LRRC4C: variants seen among roughly 807,000 people sequenced by gnomAD.
LRRC4C encodes the protein leucine rich repeat containing 4C.
LRRC4C carries 5 observed loss-of-function variants against 33.6 expected under a neutral mutation model. That is an observed-to-expected ratio of 0.15 (90% confidence interval 0.08 to 0.31). The LOEUF is 0.31. Among genes scored for constraint, LRRC4C ranks in the 10% least tolerant of loss-of-function variants. The pLI is 1.00. For synonymous variants in LRRC4C, 329 were observed against 302.0 expected, an observed-to-expected ratio of 1.09 and a Z score of -0.93; for missense variants, 560 against 796.7, an observed-to-expected ratio of 0.70 and a Z score of 3.58.
intron 3 of LRRC4C, among the ~76,000 whole-genome samples, chr11:40,645,988 G>A (rs1186303279): frequency 6.6e-6 from 1 of 151,088 alleles, no homozygotes; most frequent in East Asian, 1.9e-4. Context: ...CCTGCATCCA[G>A]GATATCCACT....
intron 1 of LRRC4C, among the ~76,000 whole-genome samples, chr11:41,181,925 TG>T (rs1015612158): frequency 1.3e-5 from 2 of 152,192 alleles, no homozygotes; most frequent in African/African-American, 4.8e-5. Flanking sequence ...TACTTAAATT[TG>T]TTTTCCCTTT....
intron 1 of LRRC4C, among the ~76,000 whole-genome samples, chr11:41,170,812 C>G (rs933118167): frequency 6.6e-6 from 1 of 152,166 alleles, no homozygotes; most frequent in Non-Finnish European, 1.5e-5. Context: ...TCAGAGTGAA[C>G]AGGCAACCTA....
chr11:40,121,156 T>C (rs948484783), intron 6 of LRRC4C, among the ~76,000 whole-genome samples: 6 of 152,196 alleles, frequency 3.9e-5, no homozygotes, highest in African/African-American at 1.4e-4. Context: ...ATCGGGAACA[T>C]ACTATCAGTA....
intron 1 of LRRC4C, among the ~76,000 whole-genome samples, chr11:40,955,707 A>C (rs1251163924): frequency 2.0e-5 from 3 of 151,844 alleles, no homozygotes; most frequent in Non-Finnish European, 4.4e-5. Flanking sequence ...AAAAAAGAAA[A>C]GGAAACTGAC....
chr11:40,543,221 C>T (rs375817585), intron 3 of LRRC4C, among the ~76,000 whole-genome samples: 2 of 152,062 alleles, frequency 1.3e-5, no homozygotes, highest in African/African-American at 4.8e-5. Context: ...TGAAAGTCCA[C>T]ATTTTGAGGT....
At chr11:40,196,411 C>A (rs966546781) in intron 5 of LRRC4C, among the ~76,000 whole-genome samples, 6 of 152,172 alleles carry the variant, frequency 3.9e-5, no homozygotes, top group Non-Finnish European at 8.8e-5. Context: ...ATGGGATGAA[C>A]AAAAGCAAAA....
chr11:40,693,089 T>C (rs999369667), intron 2 of LRRC4C, among the ~76,000 whole-genome samples: 1 of 152,056 alleles, frequency 6.6e-6, no homozygotes, highest in Non-Finnish European at 1.5e-5. Context: ...TTTTATGCAA[T>C]GTATCGTGAT....
chr11:41,208,391 A>T (rs1946684401), intron 1 of LRRC4C, among the ~76,000 whole-genome samples: 1 of 152,216 alleles, frequency 6.6e-6, no homozygotes, highest in Non-Finnish European at 1.5e-5. Context: ...CAGGACTTGA[A>T]GATTTGAATA....
At chr11:41,032,430 G>A (rs190470799) in intron 1 of LRRC4C, among the ~76,000 whole-genome samples, 219 of 151,836 alleles carry the variant, frequency 1.4e-3, no homozygotes, top group South Asian at 3.5e-3. Flanking sequence ...AACAGAGAAG[G>A]ATTTGATAAA....
intron 1 of LRRC4C, among the ~76,000 whole-genome samples, chr11:41,190,873 G>C (rs935471742): frequency 6.6e-6 from 1 of 152,054 alleles, no homozygotes; most frequent in Non-Finnish European, 1.5e-5. Flanking sequence ...TCACTCGTTC[G>C]GCTCCTTAGA....
chr11:40,175,679 A>G (rs113112867), intron 5 of LRRC4C, among the ~76,000 whole-genome samples: 11 of 152,292 alleles, frequency 7.2e-5, no homozygotes, highest in African/African-American at 2.6e-4. Flanking sequence ...GTACCAGGAA[A>G]TTAAATAATT....
intron 1 of LRRC4C, among the ~76,000 whole-genome samples, chr11:41,024,027 G>A (rs10837549): frequency 0.72 from 108,005 of 150,618 alleles, 38,991 homozygotes; most frequent in South Asian, 0.78. Flanking sequence ...TTTTCTAGTT[G>A]CGTTCAGATC....
chr11:40,265,694 A>G (rs112437915), intron 4 of LRRC4C, among the ~76,000 whole-genome samples: 9 of 152,316 alleles, frequency 5.9e-5, no homozygotes, highest in Non-Finnish European at 1.3e-4. Context: ...AGTTGTAAGC[A>G]AGGAAAAAAA....
At chr11:41,065,429 C>T (rs1759163861) in intron 1 of LRRC4C, among the ~76,000 whole-genome samples, 1 of 152,148 alleles carries the variant, frequency 6.6e-6, no homozygotes, top group African/African-American at 2.4e-5. Flanking sequence ...TCTCAACTCC[C>T]TGGGACAGAG....
intron 1 of LRRC4C, among the ~76,000 whole-genome samples, chr11:41,363,997 G>A (rs1288924193): frequency 6.6e-6 from 1 of 152,000 alleles, no homozygotes; most frequent in Admixed American, 6.6e-5. Flanking sequence ...GCATATACAG[G>A]TACTTCCACC....
chr11:41,215,225 C>T (rs1376560736), intron 1 of LRRC4C, among the ~76,000 whole-genome samples: 3 of 151,612 alleles, frequency 2.0e-5, no homozygotes, highest in East Asian at 1.9e-4. Flanking sequence ...TAGTGGCTCA[C>T]GTCTGTAACC....
At chr11:41,160,662 G>A (rs1000645936) in intron 1 of LRRC4C, among the ~76,000 whole-genome samples, 4 of 152,108 alleles carry the variant, frequency 2.6e-5, no homozygotes, top group Non-Finnish European at 5.9e-5. Context: ...GTATGGTGCA[G>A]GTGGCTGGCT....
At chr11:40,195,364 A>T (rs571661056) in intron 5 of LRRC4C, among the ~76,000 whole-genome samples, 1 of 152,214 alleles carries the variant, frequency 6.6e-6, no homozygotes, top group African/African-American at 2.4e-5. Flanking sequence ...TAAGAACCCA[A>T]TTAGATTCTT....
At chr11:40,782,976 C>T (rs944575936) in intron 2 of LRRC4C, among the ~76,000 whole-genome samples, 8 of 152,074 alleles carry the variant, frequency 5.3e-5, no homozygotes, top group African/African-American at 1.2e-4. Context: ...GTTTTGACCA[C>T]CACTTGGCTA....
Sources: gnomAD v4.1 joint callset for allele counts (sites outside exome capture counted in the v4.1 genomes callset) on GRCh38, gnomAD v4.1.1 for gene constraint, MANE v1.5 for transcripts, NCBI Gene and HGNC (gene_info 2026-07-23, HGNC 2026-07-21) for gene names.